Variants in NCOR2 observed in about 807,000 individuals in gnomAD.
NCOR2 encodes nuclear receptor corepressor 2, also known as CTG repeat protein 26.
Under a neutral mutation model 262.9 loss-of-function variants are expected in NCOR2, and 81 were observed. The observed-to-expected ratio is 0.31, with a 90% CI of 0.26 to 0.37. NCOR2 has a LOEUF of 0.37. NCOR2 is among the 10% of genes least tolerant of loss of function. The pLI, the probability that NCOR2 is intolerant of heterozygous loss-of-function variation, is 1.00. For missense variants in NCOR2, 3,385 were observed against 3,621.4 expected (o/e 0.93, Z 1.68); for synonymous variants, 1,659 against 1,559.3 (o/e 1.06, Z -1.51).
chr12:124,432,618 C>T lies in NCOR2; in HGVS notation c.883-1831G>A, dbSNP rs755035313. Among the ~76,000 whole-genome samples, 3 of 152,152 alleles carry T rather than the reference C, an allele frequency of 2.0e-5. No homozygotes were observed. The highest frequency in any genetic ancestry group is 4.4e-5 in the Non-Finnish European group (3 of 68,036). Reference sequence around the variant, plus strand: ...CCCGTCAGCCCTGGGGAGGGGCAGCCGCCAGAGAAAACCACATTCCAAGCA... The same window carrying T: ...CCCGTCAGCCCTGGGGAGGGGCAGCTGCCAGAGAAAACCACATTCCAAGCA... On this transcript the variant is annotated intron_variant, in intron 8 of 46. Coordinates refer to ENST00000405201, the Ensembl canonical transcript of NCOR2. This position sits in a 1 kb window ranked among gnomAD's most constrained non-coding sequence, Gnocchi z 5.1.
intron 16 of NCOR2, chr12:124,388,737 G>A: frequency 7.7e-7 from 1 of 1,304,210 alleles, no homozygotes; most frequent in Non-Finnish European, 1.0e-6. Context: ...ACATAGGGCT[G>A]GGAAGATGCC....
chr12:124,419,942 C>T lies in NCOR2; in HGVS notation c.1482+15G>A. On this transcript the variant is annotated intron_variant, in intron 13 of 46. Coordinates refer to ENST00000405201, the Ensembl canonical transcript of NCOR2. ...GGGAGCCTGCAAGGACAGTCACCCC[C>T]ACCTTGCCTCTTACCTGGCTCTTGC... is the stretch of plus-strand genomic sequence containing the variant. The T allele has an allele frequency of 6.2e-7, 1 of 1,610,284 alleles. No homozygotes were observed. Among genetic ancestry groups the T allele is most frequent in the Non-Finnish European group, 8.5e-7 (1 of 1,176,796 alleles).
chr12:124,434,029 C>T (rs1477280793), intron 8 of NCOR2, among the ~76,000 whole-genome samples: 1 of 152,116 alleles, frequency 6.6e-6, no homozygotes, highest in Admixed American at 6.5e-5. Context: ...CCTCTGGGAC[C>T]ACAGGCTGAG....
intron 13 of NCOR2, among the ~76,000 whole-genome samples, chr12:124,410,114 G>A (rs994092238): frequency 2.6e-5 from 4 of 150,954 alleles, no homozygotes; most frequent in African/African-American, 7.3e-5. Context: ...GCCTCCAGCT[G>A]CCACAGACAC....
At chr12:124,357,744 A>G (rs1222294646) in intron 22 of NCOR2, among the ~76,000 whole-genome samples, 1 of 152,266 alleles carries the variant, frequency 6.6e-6, no homozygotes, top group Non-Finnish European at 1.5e-5. Flanking sequence ...TTTGCAGGAA[A>G]AGCTTGCTGG....
chr12:124,542,021 G>A (rs1433741453), intron 1 of NCOR2, among the ~76,000 whole-genome samples: 1 of 151,756 alleles, frequency 6.6e-6, no homozygotes, highest in South Asian at 2.1e-4. Flanking sequence ...AGTAGGAACA[G>A]TGTGGGGCAG....
At chr12:124,407,434 G>T (rs377654998) in intron 13 of NCOR2, among the ~76,000 whole-genome samples, 44 of 152,352 alleles carry the variant, frequency 2.9e-4, no homozygotes, top group Middle Eastern at 3.4e-3. Flanking sequence ...TTGGGGCATG[G>T]CTGGAGGGCC....
intron 40 of NCOR2, chr12:124,334,894 G>C: frequency 1.6e-6 from 1 of 638,760 alleles, no homozygotes; most frequent in South Asian, 1.9e-5. Flanking sequence ...CTCATTGCCC[G>C]TGAAGATGCC....
chr12:124,395,714 C>T (rs1002759353), intron 16 of NCOR2, among the ~76,000 whole-genome samples: 4 of 152,056 alleles, frequency 2.6e-5, no homozygotes, highest in South Asian at 2.1e-4. Flanking sequence ...GGGTGGTCAC[C>T]GGTGAGGAGG....
At chr12:124,479,011 T>A (rs1024564096) in intron 3 of NCOR2, among the ~76,000 whole-genome samples, 5 of 151,810 alleles carry the variant, frequency 3.3e-5, no homozygotes, top group Non-Finnish European at 7.4e-5. Context: ...ACGGAGACCC[T>A]CTAGAACCCA....
At chr12:124,333,100 CG>C in intron 42 of NCOR2, 29 bp downstream of exon 44, 1 of 1,569,760 alleles carries the variant, frequency 6.4e-7, no homozygotes, top group Non-Finnish European at 8.7e-7. Context: ...CAGAGCATCC[CG>C]GGGGCAGCGC....
chr12:124,385,396 C>T (rs893799352), intron 17 of NCOR2, among the ~76,000 whole-genome samples: 2 of 152,178 alleles, frequency 1.3e-5, no homozygotes, highest in Admixed American at 1.3e-4. Context: ...GCTGACAGCC[C>T]GAATTCCTGG....
intron 1 of NCOR2, among the ~76,000 whole-genome samples, chr12:124,530,995 G>A (rs753725396): frequency 6.6e-6 from 1 of 152,128 alleles, no homozygotes; most frequent in African/African-American, 2.4e-5. Flanking sequence ...GAGGACTCAG[G>A]CCGGGGCATT....
chr12:124,451,464 C>A (rs1219941896), intron 6 of NCOR2, among the ~76,000 whole-genome samples: 1 of 152,212 alleles, frequency 6.6e-6, no homozygotes, highest in African/African-American at 2.4e-5. Flanking sequence ...TTGCCCACAG[C>A]TGGTAAGAGA....
In NCOR2 at chr12:124,482,771, G is replaced by A. The variant is rs113274152; in HGVS notation, c.411+825C>T. ...GGCAGCCCCCCATGGAGATGCAGAC[G>A]AGCCTGAAGTTGTCTGGCTCCCCTG... On this transcript the variant is annotated intron_variant, in intron 3 of 46. Coordinates refer to ENST00000405201, the Ensembl canonical transcript of NCOR2. This position sits in a 1 kb window ranked among gnomAD's most constrained non-coding sequence, Gnocchi z 6.3. 0.031 allele frequency among the ~76,000 whole-genome samples: 4,725 copies of A among 152,222 alleles called. 126 individuals carry two copies. The highest frequency in any genetic ancestry group is 0.11 in the East Asian group (545 of 5,162).
At chr12:124,471,045 G>C (rs971060220) in intron 4 of NCOR2, among the ~76,000 whole-genome samples, 1 of 152,214 alleles carries the variant, frequency 6.6e-6, no homozygotes, top group East Asian at 1.9e-4. Flanking sequence ...CTCTCGGGAT[G>C]CCTGTGCCAC....
At chr12:124,473,182 G>T in intron 3 of NCOR2, 51 bp from the exon 6 acceptor site, 1 of 1,600,140 alleles carries the variant, frequency 6.2e-7, no homozygotes, top group African/African-American at 1.3e-5. Flanking sequence ...ACACCCCCCA[G>T]TCTGTACAAC....
chr12:124,428,215 T>C (rs2043704497), intron 10 of NCOR2, among the ~76,000 whole-genome samples: 1 of 152,138 alleles, frequency 6.6e-6, no homozygotes, highest in South Asian at 2.1e-4. Context: ...GGGATGTCCA[T>C]AAGTGCACAG....
intron 45 of NCOR2, 144 bp downstream of exon 47, chr12:124,327,265 C>T: frequency 1.4e-6 from 1 of 704,858 alleles, no homozygotes; most frequent in Non-Finnish European, 2.3e-6. Flanking sequence ...TTAGCAAACT[C>T]CAGAACGAGG....
Sources: allele counts gnomAD v4.1 joint callset (sites outside exome capture counted in the v4.1 genomes callset), GRCh38; gene constraint gnomAD v4.1.1; non-coding constraint Gnocchi (gnomAD v3.1); transcripts MANE v1.5; gene names NCBI Gene and HGNC (gene_info 2026-07-23, HGNC 2026-07-21).